Variants in WDR62 observed in about 807,000 individuals in gnomAD.
The protein encoded by WDR62 is WD repeat domain 62.
Under a neutral mutation model 160.6 loss-of-function variants are expected in WDR62, and 112 were observed. The ratio of observed to expected loss-of-function variants is 0.70; its 90% CI spans 0.60 to 0.82. WDR62 has a LOEUF of 0.82. Among genes scored for constraint, WDR62 ranks in the 40% least tolerant of loss-of-function variants. WDR62 has a pLI of 0.00. For synonymous variants in WDR62, 792 were observed against 815.1 expected (o/e 0.97, Z 0.48); for missense variants, 1,819 against 1,983.8 (o/e 0.92, Z 1.58).
chr19:36,081,692 G>A (rs960247580), intron 10 of WDR62, 122 bp downstream of exon 10: 18 of 1,316,782 alleles, frequency 1.4e-5, no homozygotes, highest in African/African-American at 1.2e-4. Context: ...GGCAAGAGCC[G>A]GCAACCAAGG....
At chr19:36,089,598 T>C (rs2145770958) in intron 15 of WDR62, among the ~76,000 whole-genome samples, 1 of 152,276 alleles carries the variant, frequency 6.6e-6, no homozygotes, top group South Asian at 2.1e-4. Context: ...CCTGCCACCA[T>C]GCCTAGCTAA....
At chr19:36,073,682 A>G in intron 9 of WDR62, 151 bp downstream of exon 9, 1 of 726,512 alleles carries the variant, frequency 1.4e-6, no homozygotes, top group Middle Eastern at 2.3e-4. Flanking sequence ...ACAGACACAA[A>G]ATCCCTGCCC....
chr19:36,110,825 C>A, the WDR62 span, among the ~76,000 whole-genome samples: 1 of 152,172 alleles, frequency 6.6e-6, no homozygotes, highest in Non-Finnish European at 1.5e-5. Context: ...TGGATGTCCC[C>A]TGGTGACTGA....
intron 10 of WDR62, among the ~76,000 whole-genome samples, chr19:36,082,166 C>T (rs1464750713): frequency 6.6e-6 from 1 of 152,230 alleles, no homozygotes; most frequent in African/African-American, 2.4e-5. Context: ...ACTCTTCTGT[C>T]CTGTGGCACA....
intron 3 of WDR62, 90 bp downstream of exon 3, chr19:36,060,120 A>G (rs1970571993): frequency 2.3e-6 from 3 of 1,313,478 alleles, no homozygotes; most frequent in Admixed American, 1.7e-5. Flanking sequence ...ACTCATGGGT[A>G]GGTGCTCACT....
At chr19:36,074,219 G>A (rs1416696781) in intron 9 of WDR62, 2 of 165,774 alleles carry the variant, frequency 1.2e-5, no homozygotes, top group Non-Finnish European at 2.6e-5. Flanking sequence ...GATCACTTGA[G>A]CCTGGGATGT....
At chr19:36,084,554 T>C in intron 11 of WDR62, 99 bp from the exon 12 acceptor site, 1 of 1,109,514 alleles carries the variant, frequency 9.0e-7, no homozygotes, top group Non-Finnish European at 1.4e-6. Context: ...GATAAGGGGT[T>C]CTCATTGTTG....
chr19:36,102,545 G>A (rs1973428974), intron 26 of WDR62, 192 bp from the exon 27 acceptor site: 1 of 619,254 alleles, frequency 1.6e-6, no homozygotes. Context: ...ACAGGCGTGA[G>A]CCACCGTGCC....
chr19:36,095,699 C>T (rs1004305399), intron 20 of WDR62, among the ~76,000 whole-genome samples: 2 of 152,234 alleles, frequency 1.3e-5, no homozygotes, highest in Admixed American at 1.3e-4. Flanking sequence ...GAAGCTGAGA[C>T]AGGAGAATTG....
In WDR62 at chr19:36,103,191, G is replaced by A; in HGVS notation, c.3498G>A (p.Glu1166=). 1 of 1,613,952 alleles carries A rather than the reference G, an allele frequency of 6.2e-7. No homozygotes were observed. Among genetic ancestry groups the A allele is most frequent in the South Asian group, 1.1e-5 (1 of 91,078 alleles). Residue 1166 remains glutamate (E), a synonymous_variant, in exon 29 of 32, where the codon GAG becomes GAA. Coordinates refer to ENST00000401500, the MANE Select transcript of WDR62 (RefSeq NM_001083961.2). ...LAAGKAEETL[E]AWRPPPPCLT... ...CAGGGAAGGCTGAAGAGACCCTGGA[G>A]GCCTGGCGCCCACCACGTGAGTGCC...
Position 36,104,783 on chromosome 19 carries a change from C to T in WDR62, c.4327C>T (p.Gln1443Ter), listed in dbSNP as rs1973642891. The change falls in exon 32 of 32, where the codon CAG (glutamine) becomes TAG (stop). Residue 1443 changes from glutamine (Q) to a stop codon, truncating the protein, a stop_gained. Coordinates refer to ENST00000401500, the MANE Select transcript of WDR62 (RefSeq NM_001083961.2). LOFTEE classifies it low-confidence loss of function (END_TRUNC). ...TCCCTTGCAGTTGGTCTCCAGTGGC[C>T]AGGTGGACACCGGGCAGCAGCAGGC... The part of the protein sequence containing the change: ...DLYRVLVSSG[Q>*]VDTGQQQART... 2 of 1,613,592 alleles carry T rather than the reference C, an allele frequency of 1.2e-6. No individual in the cohort carries two copies. The highest frequency in any genetic ancestry group is 1.7e-5 in the Admixed American group (1 of 60,008).
chr19:36,094,129 T>C lies in WDR62; in HGVS notation c.2432T>C (p.Met811Thr). ...DLEEECEPEE[M>T]LKTPSKDSLD... is the part of the protein sequence containing the mutation. ...GAGGAAGAGTGTGAGCCAGAAGAGATGCTGAAGACACCATCCAAAGATAGC... is the reference window on the plus strand; with the variant it reads ...GAGGAAGAGTGTGAGCCAGAAGAGACGCTGAAGACACCATCCAAAGATAGC... Residue 811 changes from methionine (M) to threonine (T), a missense_variant, in exon 20 of 32, where the codon ATG (methionine) becomes ACG (threonine). This residue lies in a region of WDR62 where 934 missense variants were observed against 1,157.2 expected (regional missense o/e 0.81). Transcript: ENST00000401500. The C allele has an allele frequency of 3.1e-6, 5 of 1,614,132 alleles. No homozygotes were observed. Among genetic ancestry groups the C allele is most frequent in the Non-Finnish European group, 4.2e-6 (5 of 1,180,008 alleles).
chr19:36,061,400 C>G (rs1458289701), intron 3 of WDR62: 1 of 152,238 alleles, frequency 6.6e-6, no homozygotes, highest in Non-Finnish European at 1.5e-5. Context: ...ACCAGAGTCA[C>G]ACACACTTGC....
At chr19:36,077,126 C>A (rs1305884432) in intron 9 of WDR62, among the ~76,000 whole-genome samples, 1 of 152,002 alleles carries the variant, frequency 6.6e-6, no homozygotes, top group Non-Finnish European at 1.5e-5. Context: ...TCATCACCCA[C>A]CCACCCCAAA....
intron 10 of WDR62, 103 bp from the exon 11 acceptor site, chr19:36,082,960 T>A: frequency 2.0e-6 from 2 of 1,003,532 alleles, no homozygotes; most frequent in Non-Finnish European, 3.1e-6. Flanking sequence ...AGCTCAAAAT[T>A]AGAGTTGTAT....
intron 12 of WDR62, among the ~76,000 whole-genome samples, chr19:36,085,414 C>CTTTTTGTTTTTTTT (rs1972154282): frequency 1.4e-5 from 1 of 70,382 alleles, no homozygotes; most frequent in Non-Finnish European, 2.8e-5. Context: ...CACACCTGAC[C>CTTTTTGTTTTTTTT]TTTTTTTTTT....
At chr19:36,099,889 C>A (rs1973223669) in intron 22 of WDR62, among the ~76,000 whole-genome samples, 1 of 152,158 alleles carries the variant, frequency 6.6e-6, no homozygotes, top group African/African-American at 2.4e-5. Flanking sequence ...GAGCCCTGAC[C>A]CTACCCATTC....
At position 36,066,031 on chromosome 19, in the gene WDR62, G is replaced by C; in HGVS notation, c.390+16G>C. 6.2e-7 allele frequency: 1 copy of C among 1,613,768 alleles called. No individual in the cohort carries two copies. Among genetic ancestry groups the C allele is most frequent in the South Asian group, 1.1e-5 (1 of 91,078 alleles). On this transcript the variant is annotated intron_variant, in intron 4 of 31. Transcript: ENST00000401500. ...GACAGGGGAGGTGAGTCGTGATCGT[G>C]ACTGAGTGGGAGTCGGGGGCTGGGG...
At chr19:36,091,635 G>A (rs562415209) in intron 18 of WDR62, among the ~76,000 whole-genome samples, 170 bp downstream of exon 18, 2 of 152,306 alleles carry the variant, frequency 1.3e-5, no homozygotes, top group Non-Finnish European at 2.9e-5. Context: ...GATGGCTCAC[G>A]CCTGTAACCC....
Sources: gnomAD v4.1 joint callset for allele counts (sites outside exome capture counted in the v4.1 genomes callset) on GRCh38, gnomAD v4.1.1 for gene constraint, gnomAD v4.1.1 regional missense constraint, MANE v1.5 for transcripts, NCBI Gene and HGNC (gene_info 2026-07-23, HGNC 2026-07-21) for gene names.